GPHN: variants seen among roughly 807,000 people sequenced by gnomAD.
GPHN encodes gephyrin.
A neutral mutation model predicts 95.5 loss-of-function variants in GPHN; 17 were observed. The observed-to-expected ratio is 0.18, with a 90% CI of 0.12 to 0.27. The LOEUF is 0.27. Ranked by LOEUF, GPHN falls within the 10% of genes least tolerant of loss-of-function variation. GPHN has a pLI of 1.00. For missense variants in GPHN, 660 were observed against 978.1 expected (o/e 0.67, Z 4.34); for synonymous variants, 320 against 322.5 (o/e 0.99, Z 0.08).
At chr14:67,659,819 C>A in the GPHN span, 6 of 1,614,152 alleles carry the variant, frequency 3.7e-6, no homozygotes, top group Non-Finnish European at 4.2e-6. Flanking sequence ...TCTCACCTCC[C>A]GATGGAGTTT....
chr14:67,516,815 G>C, the GPHN span, among the ~76,000 whole-genome samples: 5 of 152,206 alleles, frequency 3.3e-5, no homozygotes, highest in African/African-American at 1.2e-4. Context: ...AAAGCAGTGG[G>C]TTCTGATTGG....
the GPHN span, among the ~76,000 whole-genome samples, chr14:67,396,739 C>T: frequency 1.3e-5 from 2 of 152,238 alleles, no homozygotes; most frequent in Non-Finnish European, 2.9e-5. Context: ...TATCTTTTTC[C>T]TCTTCAGGGA....
chr14:67,577,990 G>A, the GPHN span: 2 of 1,595,814 alleles, frequency 1.3e-6, no homozygotes, highest in South Asian at 2.2e-5. Context: ...AGGGGATGCT[G>A]GTCTGCCTGT....
chr14:67,024,572 T>C (rs1158801467), intron 10 of GPHN, among the ~76,000 whole-genome samples: 2 of 152,150 alleles, frequency 1.3e-5, no homozygotes, highest in Non-Finnish European at 2.9e-5. Context: ...TTTATTACAG[T>C]GAAAGGATAC....
chr14:66,945,523 A>G (rs989418129), intron 8 of GPHN, among the ~76,000 whole-genome samples: 4 of 152,194 alleles, frequency 2.6e-5, no homozygotes, highest in Non-Finnish European at 5.9e-5. Flanking sequence ...ACTGTGTACA[A>G]TGTACACTGC....
chr14:67,019,143 A>G (rs983796200), intron 9 of GPHN, among the ~76,000 whole-genome samples: 1 of 152,254 alleles, frequency 6.6e-6, no homozygotes, highest in Non-Finnish European at 1.5e-5. Flanking sequence ...CCCATTTTAA[A>G]TACCTTGTAT....
chr14:67,637,340 G>T, the GPHN span, among the ~76,000 whole-genome samples: 1 of 149,780 alleles, frequency 6.7e-6, no homozygotes, highest in Non-Finnish European at 1.5e-5. Context: ...GAACCAGGGA[G>T]GTGGAGGTTG....
chr14:67,089,133 C>CTTTTTTTTT (rs1163483546), intron 12 of GPHN, 58 bp downstream of exon 12: 2,680 of 198,660 alleles, frequency 0.013, 3 homozygotes, highest in South Asian at 0.016. Flanking sequence ...TTCTTTTTTT[C>CTTTTTTTTT]TTTTTTTTTT....
intron 2 of GPHN, among the ~76,000 whole-genome samples, chr14:66,691,210 G>A (rs1346478180): frequency 6.6e-6 from 1 of 151,504 alleles, no homozygotes; most frequent in Non-Finnish European, 1.5e-5. Flanking sequence ...TTTTTAGATG[G>A]AGTCTCACTC....
At chr14:66,578,132 C>G (rs1253314021) in intron 1 of GPHN, among the ~76,000 whole-genome samples, 2 of 151,464 alleles carry the variant, frequency 1.3e-5, no homozygotes, top group Non-Finnish European at 2.9e-5. Context: ...CATTTTTAAT[C>G]AACTCAGTTT....
At chr14:67,405,828 A>G in the GPHN span, among the ~76,000 whole-genome samples, 5 of 152,202 alleles carry the variant, frequency 3.3e-5, no homozygotes, top group South Asian at 8.3e-4. Flanking sequence ...TCAGAATTGG[A>G]CCCTACAGCC....
chr14:67,569,347 G>A, the GPHN span: 1 of 620,950 alleles, frequency 1.6e-6, no homozygotes, highest in Admixed American at 3.0e-5. Flanking sequence ...TCCCCAGCAG[G>A]TGAAGTTCAG....
At chr14:67,718,208 T>C in the GPHN span, among the ~76,000 whole-genome samples, 1 of 152,174 alleles carries the variant, frequency 6.6e-6, no homozygotes, top group African/African-American at 2.4e-5. Flanking sequence ...TTAGGGAAGT[T>C]GGGCAGGGCT....
At chr14:67,029,263 TTACTACTAG>T (rs1047093756) in intron 10 of GPHN, among the ~76,000 whole-genome samples, 41 of 152,240 alleles carry the variant, frequency 2.7e-4, no homozygotes, top group African/African-American at 6.0e-4. Context: ...ATTGTTACAA[TTACTACTAG>T]TACTACTAGT....
chr14:67,302,234 G>T, the GPHN span: 1 of 1,231,774 alleles, frequency 8.1e-7, no homozygotes. Context: ...CAGAAAGTGT[G>T]GGGGAAATGG....
At chr14:67,496,797 T>TCTTGCTTGCTTG in the GPHN span, among the ~76,000 whole-genome samples, 1 of 142,648 alleles carries the variant, frequency 7.0e-6, no homozygotes, top group East Asian at 2.1e-4. Context: ...TGTCTTTCTT[T>TCTTGCTTGCTTG]CTTGCTTGCT....
chr14:67,720,943 G>T, the GPHN span: 3 of 152,188 alleles, frequency 2.0e-5, no homozygotes, highest in African/African-American at 7.2e-5. Flanking sequence ...TTAGATTTGA[G>T]TCAAGAAGTG....
At chr14:66,810,669 C>G (rs2060724406) in intron 3 of GPHN, among the ~76,000 whole-genome samples, 1 of 152,134 alleles carries the variant, frequency 6.6e-6, no homozygotes, top group African/African-American at 2.4e-5. Context: ...CCTTTGCTTT[C>G]ATAATAGTTT....
chr14:67,135,476 T>G (rs1191373696), intron 17 of GPHN, among the ~76,000 whole-genome samples: 8 of 152,204 alleles, frequency 5.3e-5, no homozygotes, highest in South Asian at 4.1e-4. Flanking sequence ...GATGTAAGAT[T>G]TGAGGGTTGT....
Sources: gnomAD v4.1 joint callset for allele counts (sites outside exome capture counted in the v4.1 genomes callset) on GRCh38, gnomAD v4.1.1 for gene constraint, MANE v1.5 for transcripts, NCBI Gene and HGNC (gene_info 2026-07-23, HGNC 2026-07-21) for gene names.